Variants in ROR2 observed in about 807,000 individuals in gnomAD.
ROR2 encodes ROR family WNT receptor 2.
In ROR2, 33 loss-of-function variants were observed where a neutral mutation model predicts 74.9. The observed-to-expected ratio is 0.44, with a 90% CI of 0.33 to 0.59. The LOEUF (loss-of-function observed/expected upper bound fraction) is 0.59, where lower values mean the gene tolerates loss of function less well. Ranked by LOEUF, ROR2 falls within the 20% of genes least tolerant of loss-of-function variation. The probability of loss-of-function intolerance (pLI) is 0.02; values close to 1 mark genes in which losing one functional copy is unlikely to be tolerated. For missense variants in ROR2, 1,216 were observed against 1,313.8 expected (o/e 0.93, Z 1.15); for synonymous variants, 586 against 558.7 (o/e 1.05, Z -0.69).
intron 1 of ROR2, among the ~76,000 whole-genome samples, chr9:91,791,606 A>T (rs1321285321): frequency 2.0e-5 from 3 of 152,252 alleles, no homozygotes; most frequent in Non-Finnish European, 2.9e-5. Flanking sequence ...AAACTTACAG[A>T]AATAAAAGGA....
At chr9:91,767,079 G>GAT (rs754818380) in intron 2 of ROR2, among the ~76,000 whole-genome samples, 7,403 of 142,650 alleles carry the variant, frequency 0.052, 272 homozygotes, top group East Asian at 0.1. Context: ...AATGACTTAC[G>GAT]GTTTTTTTTT....
At chr9:91,754,244 A>G (rs977136932) in intron 4 of ROR2, among the ~76,000 whole-genome samples, 1 of 150,556 alleles carries the variant, frequency 6.6e-6, no homozygotes, top group African/African-American at 2.4e-5. Context: ...ATGAATGTTT[A>G]ATATTTGTAT....
chr9:91,832,541 T>C (rs1428843892), intron 1 of ROR2, among the ~76,000 whole-genome samples: 1 of 152,054 alleles, frequency 6.6e-6, no homozygotes, highest in Non-Finnish European at 1.5e-5. Flanking sequence ...TAATCTTTGA[T>C]GACCCAGGTG....
At chr9:91,884,601 G>A (rs1272538199) in intron 1 of ROR2, among the ~76,000 whole-genome samples, 1 of 151,850 alleles carries the variant, frequency 6.6e-6, no homozygotes, top group Non-Finnish European at 1.5e-5. Context: ...AATGCTGAAG[G>A]GTTTTATCTA....
At chr9:91,817,879 C>G (rs565038011) in intron 1 of ROR2, among the ~76,000 whole-genome samples, 1 of 152,024 alleles carries the variant, frequency 6.6e-6, no homozygotes, top group South Asian at 2.1e-4. Flanking sequence ...GGGGAAGGGG[C>G]TATGGGCTGT....
chr9:91,801,374 T>C (rs1176495826), intron 1 of ROR2, among the ~76,000 whole-genome samples: 1 of 152,168 alleles, frequency 6.6e-6, no homozygotes, highest in Non-Finnish European at 1.5e-5. Context: ...CACTCTGTCA[T>C]CAGGCTGGAG....
At chr9:91,822,580 T>C (rs1272531037) in intron 1 of ROR2, among the ~76,000 whole-genome samples, 1 of 152,120 alleles carries the variant, frequency 6.6e-6, no homozygotes, top group East Asian at 1.9e-4. Flanking sequence ...AATTAGAAAA[T>C]TGTCATTTTG....
intron 2 of ROR2, among the ~76,000 whole-genome samples, chr9:91,765,288 G>T (rs1473007024): frequency 6.6e-6 from 1 of 152,126 alleles, no homozygotes; most frequent in Middle Eastern, 3.4e-3. Flanking sequence ...TTCTTTTCTA[G>T]AAGGTCTGTT....
At chr9:91,784,690 A>C (rs570187494) in intron 1 of ROR2, among the ~76,000 whole-genome samples, 2 of 152,374 alleles carry the variant, frequency 1.3e-5, no homozygotes, top group African/African-American at 4.8e-5. Flanking sequence ...TACAAAGTTT[A>C]CCGAATTTTT....
chr9:91,814,688 T>C (rs1431846270), intron 1 of ROR2, among the ~76,000 whole-genome samples: 1 of 152,214 alleles, frequency 6.6e-6, no homozygotes, highest in African/African-American at 2.4e-5. Context: ...ATTACCACCA[T>C]GTGCTCCTAA....
At chr9:91,808,862 G>A (rs980148553) in intron 1 of ROR2, among the ~76,000 whole-genome samples, 8 of 151,188 alleles carry the variant, frequency 5.3e-5, no homozygotes, top group African/African-American at 1.9e-4. Flanking sequence ...AATTAGCCGG[G>A]CGTGGTGGCA....
At chr9:91,826,739 G>A (rs1828302745) in intron 1 of ROR2, among the ~76,000 whole-genome samples, 1 of 150,732 alleles carries the variant, frequency 6.6e-6, no homozygotes. Context: ...AGCTGAGATC[G>A]CGCCACTGCA....
chr9:91,831,292 T>C (rs1828458730), intron 1 of ROR2, among the ~76,000 whole-genome samples: 2 of 151,968 alleles, frequency 1.3e-5, no homozygotes, highest in South Asian at 4.2e-4. Context: ...ATTGTATTAA[T>C]ACTTTTGTAA....
At chr9:91,823,071 G>C (rs547640266) in intron 1 of ROR2, among the ~76,000 whole-genome samples, 1 of 152,292 alleles carries the variant, frequency 6.6e-6, no homozygotes, top group Admixed American at 6.5e-5. Flanking sequence ...GGCTATTTTA[G>C]ATTAAAGAGT....
Position 91,723,820 on chromosome 9 carries a change from C to G in ROR2, c.2674G>C (p.Glu892Gln). 1.2e-6 allele frequency: 2 copies of G among 1,613,978 alleles called. No individual in the cohort carries two copies. The highest frequency in any genetic ancestry group is 1.3e-5 in the African/African-American group (1 of 75,058). Residue 892 changes from glutamate (E) to glutamine (Q), a missense_variant, in exon 9 of 9, where the codon GAG (glutamate) becomes CAG (glutamine). Physicochemically the swap from Glu to Gln is conservative, Grantham distance 29. Transcript: ENST00000375708. The part of the protein sequence containing the change: ...SMADRAALLS[E>Q]GADDTQNAPE... ...GCGTTCTGTGTGTCATCAGCGCCCTCTGAGAGCAGGGCTGCCCTGTCTGCC... is the reference window on the plus strand; with the variant it reads ...GCGTTCTGTGTGTCATCAGCGCCCTGTGAGAGCAGGGCTGCCCTGTCTGCC...
At chr9:91,750,584 C>T (rs941867234) in intron 4 of ROR2, among the ~76,000 whole-genome samples, 2 of 152,162 alleles carry the variant, frequency 1.3e-5, no homozygotes, top group African/African-American at 4.8e-5. Flanking sequence ...ACAGAAAGCA[C>T]ACAAATAGGA....
intron 1 of ROR2, among the ~76,000 whole-genome samples, chr9:91,898,658 C>G (rs2119424120): frequency 6.6e-6 from 1 of 152,354 alleles, no homozygotes; most frequent in Admixed American, 6.5e-5. Flanking sequence ...GCAAGGAGGG[C>G]ATCTGCCCAG....
chr9:91,910,946 T>G (rs887153236), intron 1 of ROR2, among the ~76,000 whole-genome samples: 17 of 152,172 alleles, frequency 1.1e-4, no homozygotes, highest in Admixed American at 6.5e-5. Context: ...TTACAGGCGT[T>G]AGCCACCGCG....
At chr9:91,783,920 T>C (rs1826708230) in intron 1 of ROR2, among the ~76,000 whole-genome samples, 1 of 152,162 alleles carries the variant, frequency 6.6e-6, no homozygotes, top group Non-Finnish European at 1.5e-5. Context: ...CCCAGTCCTC[T>C]GAATGGAAAA....
Sources: gnomAD v4.1 joint callset for allele counts (sites outside exome capture counted in the v4.1 genomes callset) on GRCh38, gnomAD v4.1.1 for gene constraint, MANE v1.5 for transcripts, NCBI Gene and HGNC (gene_info 2026-07-23, HGNC 2026-07-21) for gene names.